CHRM2: variants seen among roughly 807,000 people sequenced by gnomAD.
CHRM2 encodes the protein muscarinic acetylcholine receptor M2.
Under a neutral mutation model 25.0 loss-of-function variants are expected in CHRM2, and 8 were observed. The observed-to-expected ratio is 0.32, with a 90% confidence interval of 0.19 to 0.58. The LOEUF (loss-of-function observed/expected upper bound fraction) is 0.58. CHRM2 is among the 20% of genes least tolerant of loss of function. CHRM2 has a pLI of 0.88. For missense variants in CHRM2, 440 were observed against 567.1 expected (o/e 0.78, Z 2.28); for synonymous variants, 202 against 205.7 (o/e 0.98, Z 0.15).
intron 2 of CHRM2, among the ~76,000 whole-genome samples, chr7:136,881,078 G>A (rs1026355386): frequency 9.4e-5 from 14 of 149,272 alleles, no homozygotes; most frequent in East Asian, 5.9e-4. Context: ...TGCATGTAGC[G>A]TCATACGAAG....
intron 2 of CHRM2, among the ~76,000 whole-genome samples, chr7:136,966,510 C>T (rs1056376376): frequency 6.6e-6 from 1 of 151,796 alleles, no homozygotes; most frequent in African/African-American, 2.4e-5. Context: ...GAACATGATA[C>T]TAAATAGAAA....
intron 2 of CHRM2, among the ~76,000 whole-genome samples, chr7:136,933,872 A>C (rs1160178923): frequency 6.6e-6 from 1 of 152,192 alleles, no homozygotes; most frequent in Non-Finnish European, 1.5e-5. Context: ...ATCTACAGAG[A>C]TGGAAAGTAG....
intron 2 of CHRM2, among the ~76,000 whole-genome samples, chr7:136,900,912 AC>A: frequency 6.6e-6 from 1 of 152,110 alleles, no homozygotes; most frequent in Middle Eastern, 3.4e-3. Flanking sequence ...TGGGTAGGGT[AC>A]CAAGAATGTG....
rs572923459 is a variant in CHRM2, at chr7:136,928,919, T to A, written c.-125+59501T>A. Among the ~76,000 whole-genome samples, 396 of 152,274 alleles carry A rather than the reference T, an allele frequency of 2.6e-3. 1 individual carries two copies. Among genetic ancestry groups the A allele is most frequent in the Non-Finnish European group, 2.9e-3 (198 of 68,004 alleles). Reference sequence around the variant, plus strand: ...AATAGCAGCTATCTCACAGGGTTGCTGTGAGGATGAAATAAGAGGCTCTAT... The same window carrying A: ...AATAGCAGCTATCTCACAGGGTTGCAGTGAGGATGAAATAAGAGGCTCTAT... On this transcript the variant is annotated intron_variant, in intron 2 of 3. Coordinates refer to ENST00000680005, the MANE Select transcript of CHRM2 (RefSeq NM_001006630.2).
chr7:136,985,520 A>C (rs947614079), intron 2 of CHRM2, among the ~76,000 whole-genome samples: 18 of 151,618 alleles, frequency 1.2e-4, no homozygotes, highest in East Asian at 5.8e-4. Flanking sequence ...AAAAAAAAAA[A>C]AAAAAAAACA....
chr7:136,931,910 G>A (rs923423775), intron 2 of CHRM2, among the ~76,000 whole-genome samples: 8 of 152,174 alleles, frequency 5.3e-5, no homozygotes, highest in African/African-American at 1.9e-4. Flanking sequence ...ATAATGTTTT[G>A]TGCAACACAA....
intron 3 of CHRM2, among the ~76,000 whole-genome samples, chr7:136,997,290 T>C (rs1402826988): frequency 6.6e-6 from 1 of 152,196 alleles, no homozygotes; most frequent in Non-Finnish European, 1.5e-5. Context: ...CTTCCAACCA[T>C]GCTACACAGT....
chr7:136,879,637 G>A (rs1418218699), intron 2 of CHRM2, among the ~76,000 whole-genome samples: 2 of 151,854 alleles, frequency 1.3e-5, no homozygotes, highest in Non-Finnish European at 2.9e-5. Flanking sequence ...CAGGGGAGCT[G>A]TAACAGGGCC....
chr7:136,942,860 C>G (rs1799854294), intron 2 of CHRM2, among the ~76,000 whole-genome samples: 1 of 151,850 alleles, frequency 6.6e-6, no homozygotes. Flanking sequence ...TTTCTTCTCT[C>G]TTTTCTTTTC....
intron 2 of CHRM2, among the ~76,000 whole-genome samples, chr7:136,987,027 CAAACA>C (rs1168216102): frequency 6.6e-6 from 1 of 152,130 alleles, no homozygotes; most frequent in Non-Finnish European, 1.5e-5. Flanking sequence ...CTGAACGAAC[CAAACA>C]AAAACTGATT....
At chr7:136,884,467 G>A (rs1184326674) in intron 2 of CHRM2, among the ~76,000 whole-genome samples, 1 of 148,132 alleles carries the variant, frequency 6.8e-6, no homozygotes, top group Non-Finnish European at 1.5e-5. Context: ...TGCCACAAAT[G>A]TTTTCAAAAT....
chr7:136,901,651 A>C (rs933554118), intron 2 of CHRM2, among the ~76,000 whole-genome samples: 3 of 151,976 alleles, frequency 2.0e-5, no homozygotes, highest in African/African-American at 7.2e-5. Context: ...TTGAGAACAT[A>C]CAGACGCTTT....
At chr7:136,903,442 T>C (rs1177959209) in intron 2 of CHRM2, 2 of 264,376 alleles carry the variant, frequency 7.6e-6, no homozygotes, top group African/African-American at 4.6e-5. Flanking sequence ...GTGGATATTG[T>C]TAGAGCTGGT....
At chr7:137,002,936 T>C (rs1428242200) in intron 3 of CHRM2, among the ~76,000 whole-genome samples, 1 of 152,118 alleles carries the variant, frequency 6.6e-6, no homozygotes, top group Non-Finnish European at 1.5e-5. Context: ...TTATGTGCCT[T>C]TTTAAAAATA....
chr7:136,921,959 G>A (rs902526272), intron 2 of CHRM2, among the ~76,000 whole-genome samples: 1 of 151,924 alleles, frequency 6.6e-6, no homozygotes, highest in African/African-American at 2.4e-5. Context: ...TACAGACAGG[G>A]TTTTGCCATG....
intron 2 of CHRM2, among the ~76,000 whole-genome samples, chr7:136,932,664 T>C (rs1331613939): frequency 6.6e-6 from 1 of 152,218 alleles, no homozygotes; most frequent in Non-Finnish European, 1.5e-5. Context: ...AAAATTATAT[T>C]AATAAAGAGG....
Position 137,016,376 on chromosome 7 carries a change from A to G in CHRM2, c.*110A>G, listed in dbSNP as rs1194255080. The G allele has an allele frequency of 7.5e-6, 9 of 1,195,334 alleles. No individual in the cohort carries two copies. The highest frequency in any genetic ancestry group is 1.3e-5 in the South Asian group (1 of 76,680). 74.0% of individuals were successfully genotyped at this position (1,195,334 alleles called of 1,614,324 possible). On this transcript the variant is annotated 3_prime_UTR_variant, in exon 4 of 4. Transcript: ENST00000680005. ...TGCCATTGCACTTTATAGTCTGATT[A>G]CAAAACGTGCAATTCAGGAGCCCAG...
At chr7:136,882,908 T>C (rs1796320208) in intron 2 of CHRM2, among the ~76,000 whole-genome samples, 1 of 152,162 alleles carries the variant, frequency 6.6e-6, no homozygotes, top group African/African-American at 2.4e-5. Context: ...AAACAGTATA[T>C]TTTTTCCATA....
chr7:136,871,988 G>C (rs996483911), intron 2 of CHRM2: 1 of 152,134 alleles, frequency 6.6e-6, no homozygotes, highest in African/African-American at 2.4e-5. Flanking sequence ...TGCTTTCCTG[G>C]GCTAGACAAT....
Sources: gnomAD v4.1 joint callset for allele counts (sites outside exome capture counted in the v4.1 genomes callset) on GRCh38, gnomAD v4.1.1 for gene constraint, MANE v1.5 for transcripts, NCBI Gene and HGNC (gene_info 2026-07-23, HGNC 2026-07-21) for gene names.